The following LRMDA variants were observed in gnomAD, a reference collection of about 807,000 sequenced individuals.
LRMDA encodes leucine-rich melanocyte differentiation-associated protein.
In LRMDA, 18 loss-of-function variants were observed where a neutral mutation model predicts 29.8. The observed-to-expected ratio is 0.60, with a 90% CI of 0.42 to 0.90. LRMDA has a LOEUF of 0.90. Among genes scored for constraint, LRMDA ranks in the 40% least tolerant of loss-of-function variants. LRMDA has a pLI of 0.00. For synonymous variants in LRMDA, 125 were observed against 109.4 expected (o/e 1.14, Z -0.89); for missense variants, 273 against 273.9 (o/e 1.00, Z 0.02).
chr10:75,483,553 C>A (rs1240120863), intron 2 of LRMDA, among the ~76,000 whole-genome samples: 1 of 152,062 alleles, frequency 6.6e-6, no homozygotes, highest in African/African-American at 2.4e-5. Flanking sequence ...ATTTTCTGCA[C>A]CAATAAAACA....
chr10:76,504,219 G>T (rs1842938429), intron 6 of LRMDA, among the ~76,000 whole-genome samples: 2 of 151,816 alleles, frequency 1.3e-5, no homozygotes, highest in African/African-American at 4.8e-5. Flanking sequence ...CAACTTTTTT[G>T]AATTTATTGA....
At chr10:75,941,840 A>G (rs561729536) in intron 2 of LRMDA, among the ~76,000 whole-genome samples, 4 of 152,146 alleles carry the variant, frequency 2.6e-5, no homozygotes, top group Admixed American at 6.5e-5. Context: ...TTTCTGTTCA[A>G]TGAGGATATT....
chr10:76,514,015 C>T (rs1843035479), intron 6 of LRMDA, among the ~76,000 whole-genome samples: 1 of 152,106 alleles, frequency 6.6e-6, no homozygotes, highest in Admixed American at 6.5e-5. Flanking sequence ...AGAATTGTTT[C>T]CCTGAACCTA....
intron 5 of LRMDA, among the ~76,000 whole-genome samples, chr10:76,276,783 T>G (rs2132328501): frequency 6.6e-6 from 1 of 152,326 alleles, no homozygotes; most frequent in East Asian, 1.9e-4. Context: ...AATATTTACT[T>G]TTTTGTTTTA....
intron 2 of LRMDA, among the ~76,000 whole-genome samples, chr10:75,712,732 C>A (rs1322216505): frequency 1.3e-5 from 2 of 152,196 alleles, no homozygotes; most frequent in Non-Finnish European, 2.9e-5. Context: ...ATTTTCCTAC[C>A]AGCCGTGGCA....
chr10:75,658,437 C>A (rs143309103), intron 2 of LRMDA, among the ~76,000 whole-genome samples: 1 of 152,000 alleles, frequency 6.6e-6, no homozygotes. Context: ...TAATTCCTAA[C>A]CTCAAATAGC....
chr10:75,758,569 G>A (rs1843060195), intron 2 of LRMDA, among the ~76,000 whole-genome samples: 1 of 152,206 alleles, frequency 6.6e-6, no homozygotes, highest in African/African-American at 2.4e-5. Context: ...CCAAATGGAG[G>A]CTTCCTAAGG....
intron 2 of LRMDA, among the ~76,000 whole-genome samples, chr10:75,474,347 A>C (rs946982900): frequency 6.6e-6 from 1 of 152,212 alleles, no homozygotes; most frequent in Non-Finnish European, 1.5e-5. Flanking sequence ...TATTTCTCAC[A>C]GTGCTGAAGG....
chr10:75,720,050 C>G (rs535369766), intron 2 of LRMDA, among the ~76,000 whole-genome samples: 6 of 152,162 alleles, frequency 3.9e-5, no homozygotes, highest in Admixed American at 3.3e-4. Flanking sequence ...AGAGAAACGG[C>G]AAACTTCTTG....
At chr10:75,482,931 ACCTTT>A (rs546277448) in intron 2 of LRMDA, among the ~76,000 whole-genome samples, 1 of 151,510 alleles carries the variant, frequency 6.6e-6, no homozygotes, top group Non-Finnish European at 1.5e-5. Context: ...AGCTTAGTTA[ACCTTT>A]CCTTTCCTTT....
At chr10:76,033,978 G>T (rs1341856641) in intron 2 of LRMDA, among the ~76,000 whole-genome samples, 1 of 150,184 alleles carries the variant, frequency 6.7e-6, no homozygotes, top group Admixed American at 6.6e-5. Context: ...AAGGAGGAAG[G>T]AAAAGAAAAA....
intron 5 of LRMDA, among the ~76,000 whole-genome samples, chr10:76,186,045 C>T (rs1244524334): frequency 6.7e-6 from 1 of 150,234 alleles, no homozygotes; most frequent in African/African-American, 2.5e-5. Flanking sequence ...TTAAATGGAA[C>T]TTAATACAGC....
chr10:76,191,619 A>G (rs977782318), intron 5 of LRMDA, among the ~76,000 whole-genome samples: 1 of 152,136 alleles, frequency 6.6e-6, no homozygotes. Context: ...TAAATGTCAG[A>G]TTTCTGAGGC....
rs552939643 is a variant in LRMDA at position 76,155,683 on chromosome 10, TAG to T, written c.516+96905_516+96906del. ...TAACTAGCTTACTAGACAGCTGCCC[TAG>T]AGAGTCATTCACATCCACGTTGATA... On this transcript the variant is annotated intron_variant, in intron 5 of 6. Coordinates refer to ENST00000611255, the MANE Select transcript of LRMDA (RefSeq NM_001305581.2). Among the ~76,000 whole-genome samples, 31 of 152,266 alleles carry T rather than the reference TAG, an allele frequency of 2.0e-4. No homozygotes were observed. The South Asian group carries it at 6.2e-3, about 31-fold the overall frequency.
intron 5 of LRMDA, among the ~76,000 whole-genome samples, chr10:76,237,192 T>C (rs1852167897): frequency 6.6e-6 from 1 of 152,014 alleles, no homozygotes. Flanking sequence ...TCTTAAAAAA[T>C]AGCAAAAACA....
Position 76,131,885 on chromosome 10 carries a change from C to T in LRMDA, c.516+73102C>T, listed in dbSNP as rs140065297. Among the ~76,000 whole-genome samples, 112 of 152,268 alleles carry T rather than the reference C, an allele frequency of 7.4e-4. No individual in the cohort carries two copies. In the East Asian group the frequency reaches 0.015, roughly 21 times the overall value. On this transcript the variant is annotated intron_variant, in intron 5 of 6. Coordinates refer to ENST00000611255, the MANE Select transcript of LRMDA (RefSeq NM_001305581.2). Reference sequence around the variant, plus strand: ...CTATACTGTCAGCCCAGCTACTGTGCTTAGAACATGATAGGTATGTACTAA... The same window carrying T: ...CTATACTGTCAGCCCAGCTACTGTGTTTAGAACATGATAGGTATGTACTAA...
chr10:76,433,865 G>C (rs1377294571), intron 6 of LRMDA: 3 of 152,158 alleles, frequency 2.0e-5, no homozygotes, highest in African/African-American at 7.2e-5. Flanking sequence ...AGGGTGACTT[G>C]GGCGACAGCA....
At chr10:76,087,936 A>G (rs1413344887) in intron 5 of LRMDA, among the ~76,000 whole-genome samples, 1 of 152,174 alleles carries the variant, frequency 6.6e-6, no homozygotes, top group Non-Finnish European at 1.5e-5. Flanking sequence ...AGCCTGGGCA[A>G]CATGCAGACC....
chr10:75,487,749 A>G (rs1844932672), intron 2 of LRMDA, among the ~76,000 whole-genome samples: 1 of 152,170 alleles, frequency 6.6e-6, no homozygotes, highest in Admixed American at 6.5e-5. Context: ...TCAGTGTCCA[A>G]GTGCTGAGTG....
Sources: gnomAD v4.1 joint callset for allele counts (sites outside exome capture counted in the v4.1 genomes callset) on GRCh38, gnomAD v4.1.1 for gene constraint, MANE v1.5 for transcripts, NCBI Gene and HGNC (gene_info 2026-07-23, HGNC 2026-07-21) for gene names.